The following TET3 variants were observed in gnomAD, a reference collection of about 807,000 sequenced individuals.
TET3 encodes the protein tet methylcytosine dioxygenase 3, also known as methylcytosine dioxygenase TET3.
Under a neutral mutation model 141.4 loss-of-function variants are expected in TET3, and 19 were observed. That is an observed-to-expected ratio of 0.13 (90% confidence interval 0.09 to 0.20). The LOEUF (loss-of-function observed/expected upper bound fraction) is 0.20. TET3 is among the 10% of genes least tolerant of loss of function. The probability of loss-of-function intolerance (pLI) is 1.00; values close to 1 mark genes in which losing one functional copy is unlikely to be tolerated. For missense variants in TET3, 1,874 were observed against 2,356.9 expected (o/e 0.80, Z 4.24); for synonymous variants, 1,043 against 980.9 (o/e 1.06, Z -1.18).
the TET3 span, among the ~76,000 whole-genome samples, chr2:74,127,232 A>C: frequency 6.6e-6 from 1 of 152,236 alleles, no homozygotes; most frequent in Non-Finnish European, 1.5e-5. Flanking sequence ...AGGTTCCAGC[A>C]ATGAGTTAGC....
At chr2:74,091,253 G>A (rs1039989497) in intron 8 of TET3, among the ~76,000 whole-genome samples, 1 of 152,284 alleles carries the variant, frequency 6.6e-6, no homozygotes, top group Admixed American at 6.5e-5. Context: ...GGGGCTACCA[G>A]GACCTAAGAA....
rs556247145 is a variant in TET3, at chr2:74,106,303, G to T, written c.*4127G>T. On this transcript the variant is annotated 3_prime_UTR_variant, in exon 12 of 12. Transcript: ENST00000409262. Reference sequence around the variant, plus strand: ...TTTGGTTCCACACCTGTCTTCTCAGGCTTGATGTGAAAGAAAGGGCGAAGG... The same window carrying T: ...TTTGGTTCCACACCTGTCTTCTCAGTCTTGATGTGAAAGAAAGGGCGAAGG... The T allele has an allele frequency of 6.6e-6, 1 of 152,394 alleles. No individual in the cohort carries two copies. The highest frequency in any genetic ancestry group is 2.4e-5 in the African/African-American group (1 of 41,552). The allele number at this position is 152,394 out of a possible 1,614,324, so 9.4% of individuals were successfully genotyped here. A position where few individuals can be genotyped will look rare whatever the true frequency, so the allele number is the denominator to read the frequency against.
chr2:74,057,717 G>A lies in TET3; in HGVS notation c.2494+9306G>A, dbSNP rs117604874. 1.7e-3 allele frequency among the ~76,000 whole-genome samples: 261 copies of A among 152,332 alleles called. 11 individuals are homozygous for A. In the East Asian group the frequency reaches 0.044, roughly 26 times the overall value. On this transcript the variant is annotated intron_variant, in intron 4 of 11. Coordinates refer to ENST00000409262, the MANE Select transcript of TET3 (RefSeq NM_001287491.2). ...GCTAAGCCTCCTAACAGTGCCTACA[G>A]TAAGGAGCTAGTTGATCCAAAATGT...
At position 74,076,047 on chromosome 2, in the gene TET3, A is replaced by G. The variant is rs1431028842; in HGVS notation, c.2585+2408A>G. ...TGTTCTGGGGTATTTTGGGGTAACA[A>G]TTTTATAAGATTTCCAGACAGCTCT... On this transcript the variant is annotated intron_variant, in intron 5 of 11. Coordinates refer to ENST00000409262, the MANE Select transcript of TET3 (RefSeq NM_001287491.2). Among the ~76,000 whole-genome samples the G allele has an allele frequency of 2.0e-5, 3 of 152,188 alleles. No individual in the cohort carries two copies. In the East Asian group the frequency reaches 5.8e-4, roughly 29 times the overall value.
chr2:74,043,264 C>T (rs985818121), intron 3 of TET3, among the ~76,000 whole-genome samples: 2 of 152,198 alleles, frequency 1.3e-5, no homozygotes, highest in African/African-American at 2.4e-5. Context: ...GGGTGATCTG[C>T]CACATTCCTA....
At chr2:73,995,022 G>A (rs940021400) in intron 2 of TET3, among the ~76,000 whole-genome samples, 3 of 151,990 alleles carry the variant, frequency 2.0e-5, no homozygotes, top group South Asian at 2.1e-4. Context: ...GTACAGTGGC[G>A]TGATCTCAGC....
rs1032188051 is a variant in TET3 at position 73,986,085 on chromosome 2, G to A, written c.-319G>A. 1.7e-5 allele frequency: 4 copies of A among 237,314 alleles called. No homozygotes were observed. The highest frequency in any genetic ancestry group is 3.2e-5 in the Non-Finnish European group (4 of 124,142). 14.7% of individuals were successfully genotyped at this position (237,314 alleles called of 1,614,324 possible). On this transcript the variant is annotated 5_prime_UTR_variant, in exon 2 of 12. Transcript: ENST00000409262. ...ACCCCTACCTGCTCAACTCATGCCT[G>A]GGTCCAGGGTGGGTGAGGGTGAAGA...
At chr2:74,053,010 G>A (rs1688026809) in intron 4 of TET3, among the ~76,000 whole-genome samples, 1 of 152,114 alleles carries the variant, frequency 6.6e-6, no homozygotes, top group African/African-American at 2.4e-5. Context: ...GGTTTCTGAA[G>A]GTCTGAATGG....
intron 3 of TET3, among the ~76,000 whole-genome samples, chr2:74,026,859 A>G (rs1051866486): frequency 2.6e-5 from 4 of 151,896 alleles, no homozygotes; most frequent in African/African-American, 9.7e-5. Flanking sequence ...CTGCCCATGC[A>G]TTTCCAGAGC....
At chr2:74,042,966 A>G (rs1687422954) in intron 3 of TET3, among the ~76,000 whole-genome samples, 1 of 152,172 alleles carries the variant, frequency 6.6e-6, no homozygotes, top group Non-Finnish European at 1.5e-5. Context: ...TTCCCAGGGA[A>G]TTCAGAGGCA....
chr2:74,098,602 T>C (rs1429994019), intron 10 of TET3, among the ~76,000 whole-genome samples: 1 of 151,932 alleles, frequency 6.6e-6, no homozygotes, highest in African/African-American at 2.4e-5. Context: ...AACTCTTTTT[T>C]TTTTTTTTTG....
chr2:74,096,874 T>C (rs1478042555), intron 10 of TET3, among the ~76,000 whole-genome samples: 1 of 151,894 alleles, frequency 6.6e-6, no homozygotes, highest in Non-Finnish European at 1.5e-5. Context: ...GGAGGCTCAC[T>C]TGAGCCCAGG....
At chr2:73,988,750 G>C (rs1684170875) in intron 2 of TET3, among the ~76,000 whole-genome samples, 1 of 152,142 alleles carries the variant, frequency 6.6e-6, no homozygotes, top group African/African-American at 2.4e-5. Flanking sequence ...TGTTTCTAGA[G>C]AAACAAAAGG....
intron 3 of TET3, among the ~76,000 whole-genome samples, chr2:74,019,273 A>C (rs377532320): frequency 6.6e-6 from 1 of 152,148 alleles, no homozygotes; most frequent in African/African-American, 2.4e-5. Context: ...AAACCAAACA[A>C]ACAAAATAAA....
At chr2:73,987,408 G>A (rs563685304) in intron 2 of TET3, among the ~76,000 whole-genome samples, 1 of 152,304 alleles carries the variant, frequency 6.6e-6, no homozygotes, top group Admixed American at 6.5e-5. Context: ...TAGTAGGGTG[G>A]AGGAGGGAAG....
rs1444610176 is a variant in TET3 at position 74,100,890 on chromosome 2, C to T, written c.4102C>T (p.Leu1368=). The T allele has an allele frequency of 5.0e-6, 8 of 1,610,242 alleles. No homozygotes were observed. In the African/African-American group the frequency reaches 1.1e-4, roughly 22 times the overall value. The part of the protein sequence containing the change: ...QPAYPGPKEY[L]LPKAPLLHSV... ...TGCGTACCCAGGCCCCAAGGAGTATCTGCTTCCCAAGGCCCCCCTACTCCA... is the reference window on the plus strand; with the variant it reads ...TGCGTACCCAGGCCCCAAGGAGTATTTGCTTCCCAAGGCCCCCCTACTCCA... Residue 1368 remains leucine (L), a synonymous_variant, in exon 12 of 12, where the codon CTG becomes TTG. Transcript: ENST00000409262.
At chr2:74,127,866 C>G in the TET3 span, among the ~76,000 whole-genome samples, 1 of 152,086 alleles carries the variant, frequency 6.6e-6, no homozygotes, top group Non-Finnish European at 1.5e-5. Context: ...ACTAAACAGG[C>G]AAGAGTATTT....
chr2:74,129,347 A>AAAAC, the TET3 span, among the ~76,000 whole-genome samples: 1 of 125,898 alleles, frequency 7.9e-6, no homozygotes, highest in African/African-American at 3.2e-5. Context: ...AAAAAAAAAA[A>AAAAC]CCCGGCCGGG....
chr2:74,059,270 T>G (rs1688373698), intron 4 of TET3, among the ~76,000 whole-genome samples: 1 of 152,280 alleles, frequency 6.6e-6, no homozygotes, highest in African/African-American at 2.4e-5. Context: ...TTTATTTTTT[T>G]GAGACGGAGT....
Sources: gnomAD v4.1 joint callset for allele counts (sites outside exome capture counted in the v4.1 genomes callset) on GRCh38, gnomAD v4.1.1 for gene constraint, MANE v1.5 for transcripts, NCBI Gene and HGNC (gene_info 2026-07-23, HGNC 2026-07-21) for gene names.